The following SRSF11 variants were observed in gnomAD, a reference collection of about 807,000 sequenced individuals.
The protein encoded by SRSF11 is serine and arginine rich splicing factor 11, also known as serine/arginine-rich splicing factor 11.
A neutral mutation model predicts 56.0 loss-of-function variants in SRSF11; 9 were observed. The observed-to-expected ratio is 0.16, with a 90% CI of 0.10 to 0.28. SRSF11 has a LOEUF of 0.28. Among genes scored for constraint, SRSF11 ranks in the 10% least tolerant of loss-of-function variants. The pLI is 1.00. For missense variants in SRSF11, 421 were observed against 600.7 expected, an observed-to-expected ratio of 0.70 and a Z score of 3.13; for synonymous variants, 222 against 215.3, an observed-to-expected ratio of 1.03 and a Z score of -0.27.
At chr1:70,220,585 C>T (rs915637725), upstream of SRSF11, among the ~76,000 whole-genome samples, 5 of 152,132 alleles carry the variant, frequency 3.3e-5, no homozygotes, top group African/African-American at 1.2e-4. Flanking sequence ...CAGTGGCTCA[C>T]GCGCCTGTAA....
intron 3 of SRSF11, among the ~76,000 whole-genome samples, chr1:70,233,043 C>G (rs940245594): frequency 6.6e-6 from 1 of 152,080 alleles, no homozygotes; most frequent in East Asian, 1.9e-4. Flanking sequence ...TTTTGCCTGT[C>G]TAAATAATTG....
At chr1:70,249,890 G>A (rs748152180) in intron 9 of SRSF11, 62 bp from the exon 10 acceptor site, 2 of 1,515,360 alleles carry the variant, frequency 1.3e-6, no homozygotes, top group Non-Finnish European at 1.8e-6. Flanking sequence ...CATCTATGAT[G>A]TGTCTGCATT....
Position 70,234,699 on chromosome 1 carries a change from G to A in SRSF11, c.451G>A (p.Gly151Ser), listed in dbSNP as rs1362938285. 6.2e-7 allele frequency: 1 copy of A among 1,600,274 alleles called. No homozygotes were observed. Among genetic ancestry groups the A allele is most frequent in the East Asian group, 2.2e-5 (1 of 44,656 alleles). ...LPTPNPLTQI[G>S]AVPLAALGAP... ...AATAAAATTTGCCATTTCACAGATT[G>A]GCGCTGTTCCACTGGCTGCTTTGGG... The change falls in exon 4 of 12, where the codon GGC becomes AGC. Residue 151 changes from glycine (G) to serine (S), a missense_variant. By Grantham distance (56) the Gly-to-Ser change is moderately conservative. Around this residue, in one of 2 missense-constraint regions of SRSF11, gnomAD observed 168 missense variants for 294.9 expected, o/e 0.57. Transcript: ENST00000370949.
intron 7 of SRSF11, among the ~76,000 whole-genome samples, chr1:70,244,245 TTATA>T (rs1676218335): frequency 6.6e-6 from 1 of 152,176 alleles, no homozygotes; most frequent in Admixed American, 6.5e-5. Context: ...AATTTGTAGT[TTATA>T]TATAGCGTGA....
chr1:70,211,893 A>G (rs1669590010), intron 1 of SRSF11, among the ~76,000 whole-genome samples: 2 of 152,072 alleles, frequency 1.3e-5, no homozygotes, highest in African/African-American at 4.8e-5. Flanking sequence ...GCCATCTTAG[A>G]GGTGCTGACA....
Position 70,221,474 on chromosome 1 carries a change from G to A in SRSF11, c.-163G>A, listed in dbSNP as rs942041982. ...TCCCCTCCCCCGCGGCGTGCGGCGG[G>A]GCGGAGAAACGGCGGCGGCGGCGGC... On this transcript the variant is annotated 5_prime_UTR_variant, in exon 1 of 12. Coordinates refer to ENST00000370949, the MANE Select transcript of SRSF11 (RefSeq NM_001350605.2). 7.6e-6 allele frequency: 8 copies of A among 1,059,574 alleles called. No individual in the cohort carries two copies. Among genetic ancestry groups the A allele is most frequent in the Admixed American group, 4.9e-5 (2 of 40,510 alleles). 65.6% of individuals were successfully genotyped at this position (1,059,574 alleles called of 1,614,324 possible). A position where few individuals can be genotyped will look rare whatever the true frequency, so the allele number is the denominator to read the frequency against.
chr1:70,232,470 T>A (rs1401700900), intron 3 of SRSF11, 93 bp downstream of exon 3: 4 of 925,856 alleles, frequency 4.3e-6, no homozygotes, highest in Admixed American at 4.9e-5. Context: ...ACTCATAAGA[T>A]TCTAGTTCAG....
At chr1:70,244,571 C>A (rs1676307555) in intron 7 of SRSF11, 113 bp from the exon 8 acceptor site, 4 of 1,113,704 alleles carry the variant, frequency 3.6e-6, no homozygotes, top group Non-Finnish European at 3.8e-6. Flanking sequence ...AGGGAATTAT[C>A]CCCCATTTAA....
intron 6 of SRSF11, among the ~76,000 whole-genome samples, chr1:70,238,616 G>A (rs1674643604): frequency 6.6e-6 from 1 of 152,210 alleles, no homozygotes; most frequent in Non-Finnish European, 1.5e-5. Context: ...GTGATGAGCA[G>A]ATAATAGGAA....
intron 2 of SRSF11, 42 bp from the exon 3 acceptor site, chr1:70,232,225 CT>C: frequency 6.2e-7 from 1 of 1,613,990 alleles, no homozygotes; most frequent in Non-Finnish European, 8.5e-7. Flanking sequence ...TGTTTTCTGT[CT>C]TAGAAAAGAA....
chr1:70,236,576 C>T (rs919784543), intron 5 of SRSF11, among the ~76,000 whole-genome samples: 2 of 151,320 alleles, frequency 1.3e-5, no homozygotes, highest in Admixed American at 1.3e-4. Flanking sequence ...ATGATCCACC[C>T]GCCAAGGCTT....
chr1:70,217,426 GGATTACAGACATGA>G (rs1357258340), upstream of SRSF11, among the ~76,000 whole-genome samples: 2 of 152,110 alleles, frequency 1.3e-5, no homozygotes, highest in African/African-American at 4.8e-5. Context: ...CGAAGTACTT[GGATTACAGACATGA>G]GCCACCGCGC....
Position 70,206,215 on chromosome 1 carries a change from T to C in SRSF11, c.-26+435T>C, listed in dbSNP as rs116131467. On this transcript the variant is annotated intron_variant, in intron 1 of 12. Transcript: ENST00000370950. Reference sequence around the variant, plus strand: ...GTATCAGACAGTTTAGGGAGACAAGTAGTGGTACATGCTTTAGTGAAGCTC... The same window carrying C: ...GTATCAGACAGTTTAGGGAGACAAGCAGTGGTACATGCTTTAGTGAAGCTC... 2.9e-3 allele frequency among the ~76,000 whole-genome samples: 443 copies of C among 152,318 alleles called. 2 individuals carry two copies. The highest frequency in any genetic ancestry group is 9.4e-3 in the African/African-American group (392 of 41,570).
intron 2 of SRSF11, chr1:70,230,484 T>A (rs1672639594): frequency 1.6e-6 from 2 of 1,234,314 alleles, no homozygotes; most frequent in Admixed American, 6.8e-5. Flanking sequence ...ATTTGGGGAT[T>A]TTTTAGGTTC....
chr1:70,250,714 G>C lies in SRSF11; in HGVS notation c.1364G>C (p.Cys455Ser), dbSNP rs763239570. The change falls in exon 12 of 12, where the codon TGT becomes TCT. Residue 455 changes from cysteine to serine, a missense_variant. Around this residue, in one of 2 missense-constraint regions of SRSF11, gnomAD observed 253 missense variants for 305.8 expected, o/e 0.83. Coordinates refer to ENST00000370949, the MANE Select transcript of SRSF11 (RefSeq NM_001350605.2). ...IETGSPKTKE[C>S]SVEKGTGDSL... is the part of the protein sequence containing the mutation. ...ACAGGTTCCCCTAAAACAAAGGAAT[G>C]TTCTGTGGAAAAGGGAACTGGTGAT... 1 of 1,614,024 alleles carries C rather than the reference G, an allele frequency of 6.2e-7. No individual in the cohort carries two copies. The highest frequency in any genetic ancestry group is 8.5e-7 in the Non-Finnish European group (1 of 1,179,956).
chr1:70,226,424 GA>G (rs1308948858), intron 1 of SRSF11, among the ~76,000 whole-genome samples: 1 of 151,588 alleles, frequency 6.6e-6, no homozygotes, highest in Non-Finnish European at 1.5e-5. Context: ...TAATGAGTAG[GA>G]AAAAAAATAT....
At chr1:70,245,374 C>T (rs1676513004) in intron 8 of SRSF11, among the ~76,000 whole-genome samples, 1 of 152,172 alleles carries the variant, frequency 6.6e-6, no homozygotes, top group Non-Finnish European at 1.5e-5. Flanking sequence ...TCTTGGGAAG[C>T]ATAAAACTCA....
At chr1:70,212,100 A>G (rs542017709) in intron 1 of SRSF11, among the ~76,000 whole-genome samples, 10 of 152,288 alleles carry the variant, frequency 6.6e-5, no homozygotes, top group Admixed American at 1.3e-4. Flanking sequence ...ATGGCCCTTA[A>G]AAACTACTTA....
intron 1 of SRSF11, chr1:70,222,935 T>A (rs1026461226): frequency 6.6e-6 from 1 of 152,218 alleles, no homozygotes; most frequent in African/African-American, 2.4e-5. Context: ...GTTTTCAAAT[T>A]GGTATGTTTC....
Sources: allele counts gnomAD v4.1 joint callset (sites outside exome capture counted in the v4.1 genomes callset), GRCh38; gene constraint gnomAD v4.1.1; regional missense constraint gnomAD v4.1.1; transcripts MANE v1.5; gene names NCBI Gene and HGNC (gene_info 2026-07-23, HGNC 2026-07-21).